LAMA4: variants seen among roughly 807,000 people sequenced by gnomAD.
LAMA4 encodes laminin subunit alpha 4.
LAMA4 carries 127 observed loss-of-function variants against 207.1 expected under a neutral mutation model. The ratio of observed to expected loss-of-function variants is 0.61; its 90% CI spans 0.53 to 0.71. The LOEUF (loss-of-function observed/expected upper bound fraction) is 0.71, where lower values mean the gene tolerates loss of function less well. Ranked by LOEUF, LAMA4 falls within the 30% of genes least tolerant of loss-of-function variation. The pLI, the probability that LAMA4 is intolerant of heterozygous loss-of-function variation, is 0.00. For synonymous variants in LAMA4, 761 were observed against 816.0 expected, an observed-to-expected ratio of 0.93 and a Z score of 1.15; for missense variants, 2,093 against 2,246.5, an observed-to-expected ratio of 0.93 and a Z score of 1.38.
At chr6:112,142,028 G>C in intron 20 of LAMA4, 91 bp downstream of exon 20, 1 of 1,345,366 alleles carries the variant, frequency 7.4e-7, no homozygotes, top group South Asian at 1.2e-5. Context: ...CATTGTTTTG[G>C]TTTGTTTGCC....
Position 112,185,383 on chromosome 6 carries a change from C to T in LAMA4, c.967-36G>A, listed in dbSNP as rs782784505. The T allele has an allele frequency of 3.7e-5, 41 of 1,111,772 alleles. No homozygotes were observed. The South Asian group carries it at 5.1e-4, about 14-fold the overall frequency. 68.9% of individuals were successfully genotyped at this position (1,111,772 alleles called of 1,614,324 possible). A position where few individuals can be genotyped will look rare whatever the true frequency, so the allele number is the denominator to read the frequency against. ...ATGTGTTTTGAGAATAGTCAATGGG[C>T]ACACCAGGTTTTAAAAAATGTACAT... On this transcript the variant is annotated intron_variant, in intron 8 of 38. Transcript: ENST00000230538.
At chr6:112,168,465 C>G (rs1554340790) in intron 12 of LAMA4, among the ~76,000 whole-genome samples, 1 of 151,152 alleles carries the variant, frequency 6.6e-6, no homozygotes, top group African/African-American at 2.4e-5. Flanking sequence ...CCTGTCTCAG[C>G]CTCCCAAGTA....
intron 2 of LAMA4, chr6:112,253,520 T>C (rs1554190275): frequency 2.1e-6 from 1 of 473,468 alleles, no homozygotes; most frequent in East Asian, 4.2e-5. Flanking sequence ...TCTTGTCTAA[T>C]ATGAGACAAA....
At chr6:112,174,811 A>G (rs1781927686) in intron 11 of LAMA4, among the ~76,000 whole-genome samples, 1 of 152,216 alleles carries the variant, frequency 6.6e-6, no homozygotes, top group Admixed American at 6.5e-5. Flanking sequence ...TATAATAGCA[A>G]TTGATAACTG....
chr6:112,207,094 A>G lies in LAMA4; in HGVS notation c.349T>C (p.Tyr117His), dbSNP rs782647664. 5.0e-6 allele frequency: 8 copies of G among 1,613,866 alleles called. No individual in the cohort carries two copies. Among genetic ancestry groups the G allele is most frequent in the Non-Finnish European group, 6.8e-6 (8 of 1,179,932 alleles). The change falls in exon 4 of 39, where the codon TAT becomes CAT. Residue 117 changes from tyrosine to histidine, a missense_variant. By Grantham distance (83) the Tyr-to-His change is moderately conservative (BLOSUM62 2). This residue lies in a region of LAMA4 where 1,704 missense variants were observed against 1,788.4 expected (regional missense o/e 0.95). Coordinates refer to ENST00000230538, the MANE Select transcript of LAMA4 (RefSeq NM_001105206.3). ...GEHCEKCLDG[Y>H]IGDSIRGAPQ... The stretch of plus-strand genomic sequence containing the variant: ...GCTCCCCTGATGGAATCTCCGATAT[A>G]ACCATCCAGACACTTTTCACAGTGC...
chr6:112,192,420 G>A (rs1488948868), intron 5 of LAMA4, among the ~76,000 whole-genome samples: 1 of 152,248 alleles, frequency 6.6e-6, no homozygotes, highest in East Asian at 1.9e-4. Flanking sequence ...GGAAGAGGCA[G>A]CAGGTAGTAC....
chr6:112,177,522 T>G (rs540811254), intron 10 of LAMA4, among the ~76,000 whole-genome samples: 17 of 152,330 alleles, frequency 1.1e-4, no homozygotes, highest in Admixed American at 1.0e-3. Flanking sequence ...ACTATTAAAA[T>G]AGTCTTCAAG....
rs782233228 is a variant in LAMA4 at position 112,165,315 on chromosome 6, G to A, written c.1552-39C>T. On this transcript the variant is annotated intron_variant, in intron 12 of 38. Transcript: ENST00000230538. Reference sequence around the variant, plus strand: ...GAGTAAGGGAGAGTGAAGTGAATATGTCTTTAGGGAAAGCGTTGGGGAGAG... The same window carrying A: ...GAGTAAGGGAGAGTGAAGTGAATATATCTTTAGGGAAAGCGTTGGGGAGAG... The A allele has an allele frequency of 4.5e-6, 6 of 1,327,532 alleles. No homozygotes were observed. The Admixed American group carries it at 5.0e-5, about 11-fold the overall frequency. 82.2% of individuals were successfully genotyped at this position (1,327,532 alleles called of 1,614,324 possible). A position where few individuals can be genotyped will look rare whatever the true frequency, so the allele number is the denominator to read the frequency against.
intron 13 of LAMA4, among the ~76,000 whole-genome samples, chr6:112,162,638 G>A (rs1454503638): frequency 6.6e-6 from 1 of 152,012 alleles, no homozygotes; most frequent in African/African-American, 2.4e-5. Flanking sequence ...GGAAGGAGTG[G>A]GTTTTATTTA....
chr6:112,187,456 G>A lies in LAMA4; in HGVS notation c.960C>T (p.Leu320=). The change falls in exon 8 of 39, where the codon CTC becomes CTT. Residue 320 remains leucine, a synonymous_variant. Transcript: ENST00000230538. Reference sequence around the variant, plus strand: ...GTAGAACATTCCTGCGTACTTTGAGGAGGTAGATGGTGGCGTTGATTTCAT... The same window carrying A: ...GTAGAACATTCCTGCGTACTTTGAGAAGGTAGATGGTGGCGTTGATTTCAT... The part of the protein sequence containing the change: ...HVNEINATIY[L]LKTKLSEREN... The A allele has an allele frequency of 1.9e-6, 3 of 1,614,080 alleles. No individual in the cohort carries two copies. Among genetic ancestry groups the A allele is most frequent in the Non-Finnish European group, 2.5e-6 (3 of 1,180,006 alleles).
chr6:112,133,319 T>C (rs756675627), intron 27 of LAMA4, 30 bp downstream of exon 27: 3 of 1,611,856 alleles, frequency 1.9e-6, no homozygotes, highest in South Asian at 1.1e-5. Flanking sequence ...ATTGTGTCTA[T>C]TAAAAAGCTT....
chr6:112,139,189 C>T lies in LAMA4; in HGVS notation c.3213G>A (p.Gln1071=), dbSNP rs782005024. ...GAACTTCTATGTCAAAGCGAGTCAC[C>T]TGACCAAATTTCCCTCTCCTTGTGA... ...RDITRRGKFG[Q]VTRFDIEVRT... is the part of the protein sequence containing the mutation. The change falls in exon 24 of 39, where the codon CAG becomes CAA. Residue 1071 remains glutamine, a synonymous_variant. Coordinates refer to ENST00000230538, the MANE Select transcript of LAMA4 (RefSeq NM_001105206.3). 3.3e-5 allele frequency: 54 copies of T among 1,614,070 alleles called. No individual in the cohort carries two copies. The highest frequency in any genetic ancestry group is 4.3e-5 in the Non-Finnish European group (51 of 1,180,026).
chr6:112,140,711 A>G (rs1554332906), intron 22 of LAMA4, 49 bp downstream of exon 22: 1 of 1,568,408 alleles, frequency 6.4e-7, no homozygotes. Flanking sequence ...ATTTATAAAA[A>G]CAATTACTGT....
chr6:112,214,955 A>G (rs1784546956), intron 3 of LAMA4, among the ~76,000 whole-genome samples: 1 of 152,252 alleles, frequency 6.6e-6, no homozygotes, highest in South Asian at 2.1e-4. Context: ...TCAGTCTTGC[A>G]TAATATTGAC....
chr6:112,207,894 T>G (rs1225015814), intron 3 of LAMA4, among the ~76,000 whole-genome samples: 3 of 152,168 alleles, frequency 2.0e-5, no homozygotes, highest in African/African-American at 7.2e-5. Flanking sequence ...CCACTACCCA[T>G]ATTGTAGTGC....
intron 28 of LAMA4, among the ~76,000 whole-genome samples, chr6:112,132,549 G>T (rs981981875): frequency 2.0e-4 from 31 of 152,102 alleles, no homozygotes; most frequent in African/African-American, 7.2e-4. Flanking sequence ...TTGGGGGTGG[G>T]TCTATGAATT....
chr6:112,195,128 A>G (rs1783335413), intron 5 of LAMA4, among the ~76,000 whole-genome samples: 1 of 152,144 alleles, frequency 6.6e-6, no homozygotes, highest in Non-Finnish European at 1.5e-5. Flanking sequence ...TACAGCTGGC[A>G]CTGAAAGTCT....
intron 13 of LAMA4, among the ~76,000 whole-genome samples, chr6:112,160,320 A>T (rs987238905): frequency 3.9e-5 from 6 of 152,122 alleles, no homozygotes; most frequent in Admixed American, 1.3e-4. Context: ...TAAGAGGAAA[A>T]TGTTCATTTT....
chr6:112,119,629 C>A (rs1330508611), intron 33 of LAMA4, among the ~76,000 whole-genome samples: 1 of 152,108 alleles, frequency 6.6e-6, no homozygotes, highest in Non-Finnish European at 1.5e-5. Flanking sequence ...TCATGATCAT[C>A]TTCCATTTAC....
Sources: gnomAD v4.1 joint callset for allele counts (sites outside exome capture counted in the v4.1 genomes callset) on GRCh38, gnomAD v4.1.1 for gene constraint, gnomAD v4.1.1 regional missense constraint, MANE v1.5 for transcripts, NCBI Gene and HGNC (gene_info 2026-07-23, HGNC 2026-07-21) for gene names.